TMTC1: variants seen among roughly 807,000 people sequenced by gnomAD.
TMTC1 encodes transmembrane O-mannosyltransferase targeting cadherins 1, also known as protein O-mannosyl-transferase TMTC1.
Under a neutral mutation model 104.8 loss-of-function variants are expected in TMTC1, and 73 were observed. The observed-to-expected ratio is 0.70, with a 90% confidence interval of 0.58 to 0.85. TMTC1 has a LOEUF of 0.85. Ranked by LOEUF, TMTC1 falls within the 40% of genes least tolerant of loss-of-function variation. TMTC1 has a pLI of 0.00. For missense variants in TMTC1, 1,035 were observed against 1,096.1 expected (o/e 0.94, Z 0.79); for synonymous variants, 434 against 428.7 (o/e 1.01, Z -0.15).
At chr12:29,666,753 A>G (rs796547015) in intron 5 of TMTC1, among the ~76,000 whole-genome samples, 12 of 152,300 alleles carry the variant, frequency 7.9e-5, no homozygotes, top group African/African-American at 1.2e-4. Flanking sequence ...TAAACACCTG[A>G]TAATTTTTGC....
chr12:29,609,798 C>T (rs1300700218), intron 6 of TMTC1: 1 of 152,326 alleles, frequency 6.6e-6, no homozygotes, highest in African/African-American at 2.4e-5. Flanking sequence ...CTTTGTCTCA[C>T]TCTCTCTGGG....
At position 29,598,039 on chromosome 12, in the gene TMTC1, G is replaced by A. The variant is rs1234446813; in HGVS notation, c.1250+6139C>T. The stretch of plus-strand genomic sequence containing the variant: ...CACCATTTGGGAACTACAGAGCAAG[G>A]CCAACATTCTGGTTTTACAAACAGA... On this transcript the variant is annotated intron_variant, in intron 7 of 17. Transcript: ENST00000539277. Among the ~76,000 whole-genome samples, 12 of 152,110 alleles carry A rather than the reference G, an allele frequency of 7.9e-5. 1 individual carries two copies. The highest frequency in any genetic ancestry group is 6.5e-4 in the Admixed American group (10 of 15,272).
intron 6 of TMTC1, among the ~76,000 whole-genome samples, chr12:29,626,832 G>C (rs569762616): frequency 1.3e-5 from 2 of 152,322 alleles, no homozygotes; most frequent in South Asian, 4.1e-4. Context: ...CAGGCATGGT[G>C]GCTCATGCCT....
At chr12:29,693,354 T>C (rs1941320647) in intron 5 of TMTC1, among the ~76,000 whole-genome samples, 1 of 144,728 alleles carries the variant, frequency 6.9e-6, no homozygotes. Context: ...ACATTTATCT[T>C]TTCTTTGTGT....
At chr12:29,565,958 A>C (rs1017075666) in intron 9 of TMTC1, among the ~76,000 whole-genome samples, 1 of 152,192 alleles carries the variant, frequency 6.6e-6, no homozygotes, top group Admixed American at 6.5e-5. Flanking sequence ...CATGCTGGGG[A>C]TAAGGACAAA....
At chr12:29,755,970 G>A (rs1943207273) in intron 3 of TMTC1, 85 bp from the exon 4 acceptor site, 2 of 1,366,178 alleles carry the variant, frequency 1.5e-6, no homozygotes, top group East Asian at 4.9e-5. Flanking sequence ...AAGATCTAAT[G>A]TCAATTTCAT....
chr12:29,681,305 C>T (rs1940911184), intron 5 of TMTC1, among the ~76,000 whole-genome samples: 1 of 152,090 alleles, frequency 6.6e-6, no homozygotes, highest in African/African-American at 2.4e-5. Flanking sequence ...ACCTTCCTCT[C>T]AGGGTAATCA....
intron 5 of TMTC1, chr12:29,660,981 G>C: frequency 1.7e-6 from 1 of 584,766 alleles, no homozygotes. Context: ...GAAGAAGGCT[G>C]CAGAGAACAA....
At chr12:29,557,741 C>T (rs1371276945) in intron 9 of TMTC1, among the ~76,000 whole-genome samples, 1 of 152,224 alleles carries the variant, frequency 6.6e-6, no homozygotes, top group Non-Finnish European at 1.5e-5. Context: ...TGAACCACCA[C>T]ACCTGGCCCA....
chr12:29,560,136 C>T (rs115577306), intron 9 of TMTC1, among the ~76,000 whole-genome samples: 6,425 of 152,158 alleles, frequency 0.042, 454 homozygotes, highest in African/African-American at 0.14. Context: ...CATCAATTGT[C>T]GGAATAAATT....
chr12:29,690,331 G>C (rs1941230000), intron 5 of TMTC1, among the ~76,000 whole-genome samples: 1 of 152,160 alleles, frequency 6.6e-6, no homozygotes, highest in Non-Finnish European at 1.5e-5. Flanking sequence ...TCTGAAAACA[G>C]GCTAAACCAA....
chr12:29,733,090 C>A (rs937434333), intron 5 of TMTC1, among the ~76,000 whole-genome samples: 3 of 152,176 alleles, frequency 2.0e-5, no homozygotes, highest in Non-Finnish European at 4.4e-5. Flanking sequence ...TTGACAAGTT[C>A]TTTTCTCTGA....
intron 5 of TMTC1, among the ~76,000 whole-genome samples, chr12:29,697,003 C>T (rs1382296345): frequency 6.6e-6 from 1 of 152,152 alleles, no homozygotes; most frequent in African/African-American, 2.4e-5. Flanking sequence ...GTACGGCATC[C>T]TCATTCACTG....
chr12:29,761,413 A>G (rs1250978713), intron 2 of TMTC1, among the ~76,000 whole-genome samples: 4 of 152,128 alleles, frequency 2.6e-5, no homozygotes, highest in African/African-American at 9.7e-5. Flanking sequence ...AATGTGAAAA[A>G]TTAGTGACTC....
At chr12:29,638,259 G>T (rs1271006131) in intron 5 of TMTC1, among the ~76,000 whole-genome samples, 2 of 152,094 alleles carry the variant, frequency 1.3e-5, no homozygotes, top group Admixed American at 6.5e-5. Context: ...GATACAAGTG[G>T]CTGGACATCG....
rs143147437 is a variant in TMTC1, at chr12:29,647,304, G to A, written c.939-13968C>T. Among the ~76,000 whole-genome samples, 532 of 152,236 alleles carry A rather than the reference G, an allele frequency of 3.5e-3. 4 individuals carry two copies. The highest frequency in any genetic ancestry group is 0.012 in the African/African-American group (515 of 41,536). On this transcript the variant is annotated intron_variant, in intron 5 of 17. Coordinates refer to ENST00000539277, the MANE Select transcript of TMTC1 (RefSeq NM_001193451.2). ...CAAAGTGCTAGGATTACAGGCATGA[G>A]CCACTATGCCCTGCCCCAAAAAACA... is the stretch of plus-strand genomic sequence containing the variant.
intron 5 of TMTC1, among the ~76,000 whole-genome samples, chr12:29,635,420 C>T (rs1938500769): frequency 6.6e-6 from 1 of 152,182 alleles, no homozygotes; most frequent in South Asian, 2.1e-4. Flanking sequence ...AGCTCTGTCT[C>T]TCAGTCACAT....
At chr12:29,610,985 C>T (rs1022062610) in intron 6 of TMTC1, among the ~76,000 whole-genome samples, 16 of 152,122 alleles carry the variant, frequency 1.1e-4, no homozygotes, top group African/African-American at 3.9e-4. Flanking sequence ...ATTATACCCC[C>T]TCAGAGACAA....
chr12:29,582,556 C>T (rs186088157), intron 8 of TMTC1, among the ~76,000 whole-genome samples: 4 of 152,206 alleles, frequency 2.6e-5, no homozygotes, highest in Non-Finnish European at 2.9e-5. Flanking sequence ...GTGCTCAAGA[C>T]GGATTTTCCA....
Sources: gnomAD v4.1 joint callset for allele counts (sites outside exome capture counted in the v4.1 genomes callset) on GRCh38, gnomAD v4.1.1 for gene constraint, MANE v1.5 for transcripts, NCBI Gene and HGNC (gene_info 2026-07-23, HGNC 2026-07-21) for gene names.